NR3C2: variants seen among roughly 807,000 people sequenced by gnomAD.
NR3C2 encodes the protein nuclear receptor subfamily 3 group C member 2, also known as mineralocorticoid receptor.
Under a neutral mutation model 86.4 loss-of-function variants are expected in NR3C2, and 15 were observed. That is an observed-to-expected ratio of 0.17 (90% CI 0.12 to 0.27). The LOEUF (loss-of-function observed/expected upper bound fraction) is 0.27, where lower values mean the gene tolerates loss of function less well. Among genes scored for constraint, NR3C2 ranks in the 10% least tolerant of loss-of-function variants. The probability of loss-of-function intolerance (pLI) is 1.00; values close to 1 mark genes in which losing one functional copy is unlikely to be tolerated. For missense variants in NR3C2, 960 were observed against 1,195.6 expected, an observed-to-expected ratio of 0.80 and a Z score of 2.91; for synonymous variants, 458 against 450.5, an observed-to-expected ratio of 1.02 and a Z score of -0.21.
intron 2 of NR3C2, among the ~76,000 whole-genome samples, chr4:148,277,694 C>G (rs1741026636): frequency 6.6e-6 from 1 of 152,142 alleles, no homozygotes; most frequent in Non-Finnish European, 1.5e-5. Flanking sequence ...AAGCAAGTAA[C>G]AGGGAATAAA....
Position 148,200,466 on chromosome 4 carries a change from C to T in NR3C2, c.1898-5604G>A, listed in dbSNP as rs185562260. Among the ~76,000 whole-genome samples, 107 of 152,248 alleles carry T rather than the reference C, an allele frequency of 7.0e-4. 1 individual carries two copies. Among genetic ancestry groups the T allele is most frequent in the African/African-American group, 2.6e-3 (106 of 41,548 alleles). ...TTACACCGCTTCTCCCCACAATCCTCTACATTCAACTGCTGGCAAAGAACT... is the reference window on the plus strand; with the variant it reads ...TTACACCGCTTCTCCCCACAATCCTTTACATTCAACTGCTGGCAAAGAACT... On this transcript the variant is annotated intron_variant, in intron 3 of 8. Transcript: ENST00000358102.
At chr4:148,312,414 A>T (rs1742946110) in intron 2 of NR3C2, among the ~76,000 whole-genome samples, 1 of 152,224 alleles carries the variant, frequency 6.6e-6, no homozygotes, top group African/African-American at 2.4e-5. Flanking sequence ...TATCAAAATC[A>T]GCAAATGCTA....
intron 2 of NR3C2, among the ~76,000 whole-genome samples, chr4:148,374,029 A>G (rs748901148): frequency 1.4e-4 from 22 of 152,178 alleles, no homozygotes; most frequent in Non-Finnish European, 2.8e-4. Flanking sequence ...CTTTTGAGAT[A>G]TGAAATGGTA....
At chr4:148,243,961 A>G (rs764336239) in intron 3 of NR3C2, among the ~76,000 whole-genome samples, 1 of 152,200 alleles carries the variant, frequency 6.6e-6, no homozygotes, top group Non-Finnish European at 1.5e-5. Context: ...AAAGTTACCA[A>G]GACAGGTTGG....
chr4:148,405,471 T>C (rs1205347996), intron 2 of NR3C2, among the ~76,000 whole-genome samples: 5 of 152,078 alleles, frequency 3.3e-5, no homozygotes, highest in Non-Finnish European at 5.9e-5. Flanking sequence ...GCACAAAGAC[T>C]TTGCTTCTCC....
chr4:148,423,329 C>T (rs1267247831), intron 2 of NR3C2, among the ~76,000 whole-genome samples: 1 of 152,108 alleles, frequency 6.6e-6, no homozygotes, highest in East Asian at 1.9e-4. Flanking sequence ...ACCATTAAAC[C>T]CATCCAGGCA....
chr4:148,384,879 G>A (rs1017174602), intron 2 of NR3C2, among the ~76,000 whole-genome samples: 1 of 152,166 alleles, frequency 6.6e-6, no homozygotes, highest in Non-Finnish European at 1.5e-5. Context: ...AGACTGAATA[G>A]TAACAAAGGC....
intron 8 of NR3C2, among the ~76,000 whole-genome samples, chr4:148,102,845 C>T (rs1256327102): frequency 1.3e-5 from 2 of 152,052 alleles, no homozygotes; most frequent in South Asian, 2.1e-4. Flanking sequence ...GACTCATTTT[C>T]CATTTTACTT....
chr4:148,113,114 C>A (rs984259655), intron 8 of NR3C2, among the ~76,000 whole-genome samples: 1 of 152,112 alleles, frequency 6.6e-6, no homozygotes, highest in Non-Finnish European at 1.5e-5. Flanking sequence ...TTATCCAAAT[C>A]AATATTTTGT....
At chr4:148,140,207 A>G (rs1332179318) in intron 6 of NR3C2, among the ~76,000 whole-genome samples, 2 of 152,204 alleles carry the variant, frequency 1.3e-5, no homozygotes, top group Non-Finnish European at 2.9e-5. Context: ...AATTTTCAAT[A>G]AAGAAATCTA....
intron 8 of NR3C2, among the ~76,000 whole-genome samples, chr4:148,086,288 G>A (rs1029920035): frequency 6.6e-6 from 1 of 152,214 alleles, no homozygotes; most frequent in South Asian, 2.1e-4. Context: ...CCACGATCAA[G>A]TCGGCTTCAT....
At chr4:148,264,811 T>C (rs1296381271) in intron 2 of NR3C2, among the ~76,000 whole-genome samples, 2 of 152,224 alleles carry the variant, frequency 1.3e-5, no homozygotes, top group East Asian at 3.8e-4. Context: ...GCAAACACTG[T>C]TTGATCTGGA....
chr4:148,407,682 A>G (rs1321631244), intron 2 of NR3C2, among the ~76,000 whole-genome samples: 1 of 1,854 alleles, frequency 5.4e-4, no homozygotes, highest in Non-Finnish European at 0.014. Context: ...CAAATCTATC[A>G]GAGGCCCCCC....
At position 148,159,663 on chromosome 4, in the gene NR3C2, C is replaced by T. The variant is rs371628634; in HGVS notation, c.2015-4762G>A. ...GTTCACGCCCTTAACCTCTATGCTA[C>T]ACGCAGTCTCTCTTCTAAACCTTTT... is the stretch of plus-strand genomic sequence containing the variant. On this transcript the variant is annotated intron_variant, in intron 4 of 8. Transcript: ENST00000358102. Among the ~76,000 whole-genome samples the T allele has an allele frequency of 8.1e-4, 124 of 152,336 alleles. 1 individual carries two copies. The highest frequency in any genetic ancestry group is 2.9e-3 in the African/African-American group (120 of 41,570).
intron 2 of NR3C2, among the ~76,000 whole-genome samples, chr4:148,266,775 A>C (rs1053098219): frequency 6.6e-6 from 1 of 152,232 alleles, no homozygotes; most frequent in African/African-American, 2.4e-5. Context: ...CACCAGCCAA[A>C]GAAGCTTCTG....
chr4:148,417,367 C>T lies in NR3C2; in HGVS notation c.1757+17737G>A, dbSNP rs537289170. ...TAAAGACTTATAATGACTTCTCTAT[C>T]CAAGAGTCAGATATGTGTTCAACTC... On this transcript the variant is annotated intron_variant, in intron 2 of 8. Transcript: ENST00000358102. 1.5e-4 allele frequency among the ~76,000 whole-genome samples: 23 copies of T among 152,268 alleles called. 1 individual carries two copies. The South Asian group carries it at 4.8e-3, about 32-fold the overall frequency.
chr4:148,414,050 T>C (rs1206031477), intron 2 of NR3C2, among the ~76,000 whole-genome samples: 1 of 152,096 alleles, frequency 6.6e-6, no homozygotes, highest in African/African-American at 2.4e-5. Flanking sequence ...CTGGAAACAA[T>C]CTAAATGTCC....
intron 2 of NR3C2, among the ~76,000 whole-genome samples, chr4:148,292,117 T>C (rs1458055455): frequency 2.0e-5 from 3 of 152,080 alleles, no homozygotes; most frequent in Non-Finnish European, 2.9e-5. Context: ...TTTTTTTTAA[T>C]CTGGAGTTGC....
chr4:148,200,160 AACAG>A (rs993573313), intron 3 of NR3C2, among the ~76,000 whole-genome samples: 1 of 152,184 alleles, frequency 6.6e-6, no homozygotes, highest in Non-Finnish European at 1.5e-5. Flanking sequence ...AAAGAGGAGG[AACAG>A]ACAGTGTCCA....
Sources: allele counts gnomAD v4.1 joint callset (sites outside exome capture counted in the v4.1 genomes callset), GRCh38; gene constraint gnomAD v4.1.1; transcripts MANE v1.5; gene names NCBI Gene and HGNC (gene_info 2026-07-23, HGNC 2026-07-21).